FLT1: variants seen among roughly 807,000 people sequenced by gnomAD.
FLT1 encodes the protein vascular endothelial growth factor receptor 1.
In FLT1, 49 loss-of-function variants were observed where a neutral mutation model predicts 156.3. The observed-to-expected ratio is 0.31, with a 90% confidence interval of 0.25 to 0.40. FLT1 has a LOEUF of 0.40. Ranked by LOEUF, FLT1 falls within the 10% of genes least tolerant of loss-of-function variation. FLT1 has a pLI of 1.00. For synonymous variants in FLT1, 594 were observed against 583.8 expected (o/e 1.02, Z -0.25); for missense variants, 1,322 against 1,637.2 (o/e 0.81, Z 3.32).
rs765068687 is a variant in FLT1, at chr13:28,306,780, G to C, written c.3721-8C>G. 6.2e-7 allele frequency: 1 copy of C among 1,601,578 alleles called. No homozygotes were observed. Among genetic ancestry groups the C allele is most frequent in the Non-Finnish European group, 8.6e-7 (1 of 1,168,806 alleles). Reference sequence around the variant, plus strand: ...GCTGTCGCCCTGGTAGTCCTAGGGGGAGAAGGAGAAAGGTTATACTCTTGC... The same window carrying C: ...GCTGTCGCCCTGGTAGTCCTAGGGGCAGAAGGAGAAAGGTTATACTCTTGC... On this transcript the variant is annotated splice_polypyrimidine_tract_variant and splice_region_variant and intron_variant, in intron 28 of 29. Transcript: ENST00000282397.
intron 7 of FLT1, among the ~76,000 whole-genome samples, chr13:28,430,928 ACT>A (rs1326757913): frequency 1.3e-5 from 2 of 152,094 alleles, no homozygotes; most frequent in African/African-American, 2.4e-5. Context: ...TAAAGAAAGG[ACT>A]CTCTGTTCAA....
chr13:28,339,064 T>G (rs890644576), intron 17 of FLT1, 104 bp downstream of exon 17: 1 of 1,053,788 alleles, frequency 9.5e-7, no homozygotes, highest in Middle Eastern at 2.9e-4. Context: ...AGCTGGAGGG[T>G]AGAATCCCAG....
At chr13:28,374,418 A>G (rs1593719906) in intron 14 of FLT1, among the ~76,000 whole-genome samples, 1 of 149,878 alleles carries the variant, frequency 6.7e-6, no homozygotes, top group African/African-American at 2.5e-5. Flanking sequence ...ATGTCTCAAA[A>G]AACAAACAAA....
chr13:28,405,211 A>G (rs1272877411), intron 11 of FLT1, among the ~76,000 whole-genome samples: 1 of 152,154 alleles, frequency 6.6e-6, no homozygotes, highest in African/African-American at 2.4e-5. Context: ...TAAAATGAAT[A>G]GTGCGCTGAT....
chr13:28,460,078 A>G (rs2137606612), intron 3 of FLT1, among the ~76,000 whole-genome samples: 1 of 152,330 alleles, frequency 6.6e-6, no homozygotes, highest in South Asian at 2.1e-4. Context: ...AGTCTGGCAG[A>G]TTGGGCAACA....
chr13:28,304,360 G>T (rs74987100), intron 29 of FLT1, among the ~76,000 whole-genome samples: 3 of 152,102 alleles, frequency 2.0e-5, no homozygotes, highest in African/African-American at 7.2e-5. Context: ...AAACACACAC[G>T]CAGATGTTTG....
chr13:28,415,637 A>C (rs531999539), intron 10 of FLT1, among the ~76,000 whole-genome samples: 1 of 152,348 alleles, frequency 6.6e-6, no homozygotes, highest in South Asian at 2.1e-4. Context: ...TTGAAGAGAC[A>C]AGTCAAATTC....
chr13:28,389,769 AAAC>A, intron 13 of FLT1, 24 bp downstream of exon 13: 1 of 1,614,148 alleles, frequency 6.2e-7, no homozygotes, highest in Non-Finnish European at 8.5e-7. Context: ...ATCCGAGAGA[AAAC>A]AGCCTTTTTG....
Position 28,319,333 on chromosome 13 carries a change from A to G in FLT1, c.3286+90T>C, listed in dbSNP as rs188477089. On this transcript the variant is annotated intron_variant, in intron 24 of 29. Transcript: ENST00000282397. ...GAGTTTTTTGTTACAGTAGGTTCTA[A>G]TCTAAAGGCTGTCTAACCAAAGGAC... The G allele has an allele frequency of 2.2e-5, 19 of 855,464 alleles. No individual in the cohort carries two copies. The East Asian group carries it at 4.4e-4, about 20-fold the overall frequency. 53.0% of individuals were successfully genotyped at this position (855,464 alleles called of 1,614,324 possible).
At chr13:28,493,686 C>A (rs1881583814) in intron 1 of FLT1, among the ~76,000 whole-genome samples, 1 of 152,328 alleles carries the variant, frequency 6.6e-6, no homozygotes, top group East Asian at 1.9e-4. Context: ...CCCAGGGGAA[C>A]GAGGCACAAA....
chr13:28,474,827 G>A (rs1379565105), intron 1 of FLT1, among the ~76,000 whole-genome samples: 2 of 151,950 alleles, frequency 1.3e-5, no homozygotes, highest in Non-Finnish European at 2.9e-5. Context: ...CATATTTTGG[G>A]GTGTCATATT....
At chr13:28,361,214 G>C (rs1417921710) in intron 14 of FLT1, among the ~76,000 whole-genome samples, 1 of 152,100 alleles carries the variant, frequency 6.6e-6, no homozygotes, top group African/African-American at 2.4e-5. Context: ...GGGAGGCAGA[G>C]CTTGGAGTGA....
intron 10 of FLT1, among the ~76,000 whole-genome samples, chr13:28,422,942 T>C (rs1380913487): frequency 2.0e-5 from 3 of 152,200 alleles, no homozygotes; most frequent in African/African-American, 7.2e-5. Flanking sequence ...GTATTATTAT[T>C]GTTCCTTTAG....
At chr13:28,349,172 C>A (rs1872661208) in intron 15 of FLT1, among the ~76,000 whole-genome samples, 1 of 152,096 alleles carries the variant, frequency 6.6e-6, no homozygotes, top group Non-Finnish European at 1.5e-5. Flanking sequence ...CAGAATAGTG[C>A]CTGGCATATA....
At chr13:28,303,501 C>CCA (rs1555297839) in intron 29 of FLT1, 133 bp from the exon 30 acceptor site, 1 of 776,094 alleles carries the variant, frequency 1.3e-6, no homozygotes, top group South Asian at 1.6e-5. Flanking sequence ...AACCCCCCCC[C>CCA]CCTCAATTGC....
intron 3 of FLT1, among the ~76,000 whole-genome samples, chr13:28,443,898 T>A (rs565071572): frequency 1.3e-5 from 2 of 151,502 alleles, no homozygotes; most frequent in Non-Finnish European, 2.9e-5. Context: ...AAAGTTGGAG[T>A]AGTTATACTA....
At chr13:28,367,329 T>C (rs143399518) in intron 14 of FLT1, among the ~76,000 whole-genome samples, 106 of 152,368 alleles carry the variant, frequency 7.0e-4, no homozygotes, top group African/African-American at 2.4e-3. Flanking sequence ...TGTGGTGTCC[T>C]CTAAAGTATC....
intron 14 of FLT1, among the ~76,000 whole-genome samples, chr13:28,384,326 A>G (rs1874221526): frequency 6.6e-6 from 1 of 151,734 alleles, no homozygotes; most frequent in Non-Finnish European, 1.5e-5. Flanking sequence ...AGTCCCAACT[A>G]CTTGCCCAGC....
chr13:28,342,192 T>C (rs1872364518), intron 16 of FLT1, among the ~76,000 whole-genome samples: 1 of 152,106 alleles, frequency 6.6e-6, no homozygotes, highest in African/African-American at 2.4e-5. Flanking sequence ...CCCTTTCCAG[T>C]TTTATTTCTA....
Sources: gnomAD v4.1 joint callset for allele counts (sites outside exome capture counted in the v4.1 genomes callset) on GRCh38, gnomAD v4.1.1 for gene constraint, MANE v1.5 for transcripts, NCBI Gene and HGNC (gene_info 2026-07-23, HGNC 2026-07-21) for gene names.